RXRG: variants seen among roughly 807,000 people sequenced by gnomAD.
RXRG encodes the protein retinoic acid receptor RXR-gamma.
In RXRG, 19 loss-of-function variants were observed where a neutral mutation model predicts 49.2. The observed-to-expected ratio is 0.39, with a 90% CI of 0.27 to 0.57. The LOEUF is 0.57. Among genes scored for constraint, RXRG ranks in the 20% least tolerant of loss-of-function variants. The pLI is 0.64. For synonymous variants in RXRG, 224 were observed against 216.6 expected (o/e 1.03, Z -0.30); for missense variants, 452 against 592.5 (o/e 0.76, Z 2.46).
chr1:165,413,117 C>A (rs1187961611), intron 4 of RXRG, among the ~76,000 whole-genome samples: 1 of 152,152 alleles, frequency 6.6e-6, no homozygotes, highest in African/African-American at 2.4e-5. Flanking sequence ...CTTTGCTATT[C>A]ACTTTTCCTC....
chr1:165,429,879 A>T (rs995385840), intron 1 of RXRG, among the ~76,000 whole-genome samples: 2 of 152,170 alleles, frequency 1.3e-5, no homozygotes, highest in Non-Finnish European at 2.9e-5. Context: ...GAGATGAAAC[A>T]GGAGAGTGCC....
intron 8 of RXRG, among the ~76,000 whole-genome samples, chr1:165,407,480 C>T (rs1275670833): frequency 1.3e-5 from 2 of 152,184 alleles, no homozygotes; most frequent in African/African-American, 4.8e-5. Flanking sequence ...ACTGCCTGCC[C>T]CTTCTCAGGT....
intron 1 of RXRG, among the ~76,000 whole-genome samples, chr1:165,429,607 T>G (rs157879): frequency 0.87 from 132,898 of 152,096 alleles, 58,141 homozygotes; most frequent in Admixed American, 0.92. Context: ...TGATGTTCTT[T>G]TCCTGTCCCT....
At chr1:165,439,956 A>G (rs781069365) in intron 1 of RXRG, among the ~76,000 whole-genome samples, 2 of 152,146 alleles carry the variant, frequency 1.3e-5, no homozygotes, top group Non-Finnish European at 2.9e-5. Flanking sequence ...AAGAGGAGGG[A>G]GAAGAAGATT....
intron 9 of RXRG, among the ~76,000 whole-genome samples, chr1:165,406,168 A>T (rs990214146): frequency 1.3e-5 from 1 of 79,424 alleles, no homozygotes; most frequent in African/African-American, 4.6e-5. Context: ...ACTCAGAAAT[A>T]CCTATACTGC....
chr1:165,408,352 C>A (rs760719311), intron 7 of RXRG, 34 bp from the exon 8 acceptor site: 3 of 1,477,664 alleles, frequency 2.0e-6, no homozygotes, highest in Admixed American at 3.3e-5. Flanking sequence ...AATGAGAAAA[C>A]CGTAAGTAAC....
chr1:165,424,206 G>T (rs1285691441), intron 2 of RXRG, among the ~76,000 whole-genome samples: 2 of 152,174 alleles, frequency 1.3e-5, no homozygotes, highest in Non-Finnish European at 2.9e-5. Flanking sequence ...TTTAGAAATT[G>T]CATCACTCCA....
intron 4 of RXRG, among the ~76,000 whole-genome samples, chr1:165,411,685 T>C (rs770565453): frequency 1.7e-4 from 26 of 152,128 alleles, no homozygotes; most frequent in Non-Finnish European, 3.2e-4. Context: ...GTCACCTAGA[T>C]GACATTTCAG....
In RXRG at chr1:165,444,996, G is replaced by A; in HGVS notation, c.-103C>T. 9.0e-7 allele frequency: 1 copy of A among 1,105,914 alleles called. No homozygotes were observed. The highest frequency in any genetic ancestry group is 1.4e-6 in the Non-Finnish European group (1 of 722,920). 68.5% of individuals were successfully genotyped at this position (1,105,914 alleles called of 1,614,324 possible). A position where few individuals can be genotyped will look rare whatever the true frequency, so the allele number is the denominator to read the frequency against. ...GGCTTTCTTCAACTTGGGCTAACAA[G>A]AGTGGTCATCGCTTCCTAGCAGCCC... On this transcript the variant is annotated 5_prime_UTR_variant, in exon 1 of 10. Transcript: ENST00000359842.
At chr1:165,414,834 G>A (rs1208037083) in intron 4 of RXRG, among the ~76,000 whole-genome samples, 1 of 152,144 alleles carries the variant, frequency 6.6e-6, no homozygotes, top group East Asian at 1.9e-4. Flanking sequence ...CACAGAGTAG[G>A]CACTCAGCTA....
intron 1 of RXRG, chr1:165,437,309 C>T (rs1658846207): frequency 9.5e-7 from 1 of 1,050,368 alleles, no homozygotes; most frequent in Non-Finnish European, 1.3e-6. Flanking sequence ...CATTCCCTGC[C>T]CTGGCAGAAT....
chr1:165,423,691 T>C (rs1658395143), intron 2 of RXRG, among the ~76,000 whole-genome samples: 1 of 129,048 alleles, frequency 7.7e-6, no homozygotes, highest in African/African-American at 2.9e-5. Flanking sequence ...TCTAGGTGAG[T>C]GTGTGTGTTG....
At position 165,404,877 on chromosome 1, in the gene RXRG, G is replaced by A. The variant is rs543741593; in HGVS notation, c.1244+1935C>T. On this transcript the variant is annotated intron_variant, in intron 9 of 9. Transcript: ENST00000359842. ...CGGTTCAAGCGATTCTCCTACCTCA[G>A]CCTCCTGAGTAGCTGGGATTATAAG... 7.9e-5 allele frequency among the ~76,000 whole-genome samples: 12 copies of A among 152,164 alleles called. No homozygotes were observed. In the South Asian group the frequency reaches 2.5e-3, roughly 32 times the overall value.
chr1:165,416,027 A>G (rs1658115492), intron 4 of RXRG, among the ~76,000 whole-genome samples: 1 of 152,212 alleles, frequency 6.6e-6, no homozygotes. Flanking sequence ...ACATGTTAAG[A>G]TTACAAGAAT....
intron 1 of RXRG, among the ~76,000 whole-genome samples, chr1:165,442,271 C>T (rs1171921563): frequency 1.3e-5 from 2 of 152,232 alleles, no homozygotes; most frequent in African/African-American, 4.8e-5. Context: ...CTCAAACAGA[C>T]CTCCCTGCAG....
chr1:165,444,847 C>G lies in RXRG; in HGVS notation c.47G>C (p.Gly16Ala). 6.2e-7 allele frequency: 1 copy of G among 1,614,084 alleles called. No individual in the cohort carries two copies. The highest frequency in any genetic ancestry group is 8.5e-7 in the Non-Finnish European group (1 of 1,179,900). Residue 16 changes from glycine (G) to alanine (A), a missense_variant and splice_region_variant, in exon 1 of 10, where the codon GGA becomes GCA. Transcript: ENST00000359842. ...SHFMKFPAGY[G>A]GSPGHTGSTS... is the part of the protein sequence containing the mutation. ...TGAAGCCCAAGGGAGATACTTACCT[C>G]CATAGCCTGCGGGAAACTTCATGAA...
At chr1:165,409,297 C>T (rs969895034) in intron 7 of RXRG, among the ~76,000 whole-genome samples, 5 of 152,162 alleles carry the variant, frequency 3.3e-5, no homozygotes, top group Non-Finnish European at 5.9e-5. Context: ...CTGTGCTGGC[C>T]TCTGAGTGGC....
Position 165,444,986 on chromosome 1 carries a change from G to C in RXRG, c.-93C>G. 2 of 1,238,658 alleles carry C rather than the reference G, an allele frequency of 1.6e-6. No individual in the cohort carries two copies. The highest frequency in any genetic ancestry group is 3.4e-5 in the Admixed American group (2 of 58,370). The allele number at this position is 1,238,658 out of a possible 1,614,324, so 76.7% of individuals were successfully genotyped here. A position where few individuals can be genotyped will look rare whatever the true frequency, so the allele number is the denominator to read the frequency against. ...GGCACAGCCCGGCTTTCTTCAACTT[G>C]GGCTAACAAGAGTGGTCATCGCTTC... On this transcript the variant is annotated 5_prime_UTR_variant, in exon 1 of 10. Coordinates refer to ENST00000359842, the MANE Select transcript of RXRG (RefSeq NM_006917.5).
chr1:165,408,859 T>C (rs992702591), intron 7 of RXRG, among the ~76,000 whole-genome samples: 2 of 152,178 alleles, frequency 1.3e-5, no homozygotes, highest in African/African-American at 4.8e-5. Flanking sequence ...CCATTTACGA[T>C]GGAGGTAGAA....
Sources: allele counts gnomAD v4.1 joint callset (sites outside exome capture counted in the v4.1 genomes callset), GRCh38; gene constraint gnomAD v4.1.1; transcripts MANE v1.5; gene names NCBI Gene and HGNC (gene_info 2026-07-23, HGNC 2026-07-21).